The following SLCO5A1 variants were observed in gnomAD, a reference collection of about 807,000 sequenced individuals.
SLCO5A1 encodes the protein organic anion transporter polypeptide-related protein 4.
In SLCO5A1, 39 loss-of-function variants were observed where a neutral mutation model predicts 65.1. The observed-to-expected ratio is 0.60, with a 90% confidence interval of 0.46 to 0.78. SLCO5A1 has a LOEUF of 0.78. Among genes scored for constraint, SLCO5A1 ranks in the 30% least tolerant of loss-of-function variants. The probability of loss-of-function intolerance (pLI) is 0.00; values close to 1 mark genes in which losing one functional copy is unlikely to be tolerated. For synonymous variants in SLCO5A1, 438 were observed against 415.7 expected (o/e 1.05, Z -0.65); for missense variants, 1,029 against 1,069.4 (o/e 0.96, Z 0.53).
At chr8:69,784,811 A>AAAAGAAAAGAAAG (rs1554620803) in intron 2 of SLCO5A1, among the ~76,000 whole-genome samples, 1 of 70,930 alleles carries the variant, frequency 1.4e-5, no homozygotes, top group African/African-American at 7.8e-5. Flanking sequence ...GAAAGAAAGA[A>AAAAGAAAAGAAAG]AAAGAAAGAA....
At chr8:69,693,577 C>A (rs1172860183) in intron 6 of SLCO5A1, among the ~76,000 whole-genome samples, 1 of 152,136 alleles carries the variant, frequency 6.6e-6, no homozygotes, top group African/African-American at 2.4e-5. Context: ...CATCCAGAAC[C>A]AAAGAAACCT....
chr8:69,832,936 C>A lies in SLCO5A1; in HGVS notation c.-263G>T, dbSNP rs3750268. On this transcript the variant is annotated 5_prime_UTR_variant, in exon 2 of 10. Transcript: ENST00000260126. This position sits in a 1 kb window ranked among gnomAD's most constrained non-coding sequence, Gnocchi z 4.5. ...CGGTACTGCGATGAGCCCTACTCGG[C>A]GTCCCTCTCCGGGCGGTAGCTTGAG... is the stretch of plus-strand genomic sequence containing the variant. The A allele has an allele frequency of 0.31, 136,653 of 446,062 alleles. 21,620 individuals carry two copies. Among genetic ancestry groups the A allele is most frequent in the Middle Eastern group, 0.32 (567 of 1,756 alleles). 27.6% of individuals were successfully genotyped at this position (446,062 alleles called of 1,614,324 possible). A position where few individuals can be genotyped will look rare whatever the true frequency, so the allele number is the denominator to read the frequency against.
At position 69,670,705 on chromosome 8, in the gene SLCO5A1, A is replaced by T. The variant is rs944690905; in HGVS notation, c.*2164T>A. ...GACTGTTCATGGCAGCAAAGGGAGT[A>T]AGGGGGCTCTCTAACTACTCCGTGC... On this transcript the variant is annotated 3_prime_UTR_variant, in exon 10 of 10. Coordinates refer to ENST00000260126, the MANE Select transcript of SLCO5A1 (RefSeq NM_030958.3). The T allele has an allele frequency of 6.6e-6, 1 of 152,224 alleles. No individual in the cohort carries two copies. The highest frequency in any genetic ancestry group is 2.4e-5 in the African/African-American group (1 of 41,450). 9.4% of individuals were successfully genotyped at this position (152,224 alleles called of 1,614,324 possible). A position where few individuals can be genotyped will look rare whatever the true frequency, so the allele number is the denominator to read the frequency against.
At chr8:69,707,336 T>C (rs1462934840) in intron 5 of SLCO5A1, among the ~76,000 whole-genome samples, 2 of 152,240 alleles carry the variant, frequency 1.3e-5, no homozygotes, top group East Asian at 3.9e-4. Flanking sequence ...TTGAGGTGAA[T>C]CTCAATAGAT....
At chr8:69,807,076 AC>A (rs1211518544) in intron 2 of SLCO5A1, among the ~76,000 whole-genome samples, 1 of 152,262 alleles carries the variant, frequency 6.6e-6, no homozygotes, top group Non-Finnish European at 1.5e-5. Context: ...GCATCATATT[AC>A]CCAATTTCAA....
intron 2 of SLCO5A1, among the ~76,000 whole-genome samples, chr8:69,774,612 A>G (rs1818484289): frequency 6.6e-6 from 1 of 152,222 alleles, no homozygotes; most frequent in Admixed American, 6.5e-5. Flanking sequence ...AACCCTGCTT[A>G]GAGCTGTGCC....
intron 5 of SLCO5A1, among the ~76,000 whole-genome samples, chr8:69,710,537 C>T (rs1379281816): frequency 6.6e-6 from 1 of 152,118 alleles, no homozygotes; most frequent in Non-Finnish European, 1.5e-5. Flanking sequence ...AAAGTACCCT[C>T]CTCACCAAGA....
intron 2 of SLCO5A1, among the ~76,000 whole-genome samples, chr8:69,817,347 TTATATAGA>T (rs1485451114): frequency 8.5e-5 from 13 of 152,222 alleles, no homozygotes; most frequent in African/African-American, 2.9e-4. Flanking sequence ...CTGAATAATA[TTATATAGA>T]TATATAGATA....
intron 6 of SLCO5A1, among the ~76,000 whole-genome samples, chr8:69,703,629 G>A (rs1369295784): frequency 6.6e-6 from 1 of 152,206 alleles, no homozygotes; most frequent in Non-Finnish European, 1.5e-5. Context: ...GTGGTTAAAG[G>A]CAGTGCTTAT....
chr8:69,819,040 G>C (rs1820523188), intron 2 of SLCO5A1, among the ~76,000 whole-genome samples: 1 of 152,014 alleles, frequency 6.6e-6, no homozygotes, highest in Admixed American at 6.6e-5. Context: ...GTTTACAGAG[G>C]TAAACACATT....
chr8:69,690,053 G>T (rs976237095), intron 6 of SLCO5A1, among the ~76,000 whole-genome samples: 3 of 85,944 alleles, frequency 3.5e-5, no homozygotes, highest in Non-Finnish European at 6.1e-5. Context: ...TTGCGGGTAC[G>T]GGGGGGCGCC....
rs144359898 is a variant in SLCO5A1, at chr8:69,777,056, C to G, written c.908-15181G>C. Among the ~76,000 whole-genome samples, 104 of 152,220 alleles carry G rather than the reference C, an allele frequency of 6.8e-4. 2 individuals are homozygous for G. The South Asian group carries it at 0.013, about 19-fold the overall frequency. ...ATCACTTGATTCAACCATTCCACAC[C>G]CAGGTATGATCACAAAAGAAATAAA... On this transcript the variant is annotated intron_variant, in intron 2 of 9. Coordinates refer to ENST00000260126, the MANE Select transcript of SLCO5A1 (RefSeq NM_030958.3).
intron 5 of SLCO5A1, among the ~76,000 whole-genome samples, chr8:69,716,383 T>C (rs1815539466): frequency 6.6e-6 from 1 of 152,228 alleles, no homozygotes; most frequent in South Asian, 2.1e-4. Context: ...AACTCTGTGT[T>C]TGAGGAAGTA....
chr8:69,809,745 T>C (rs1341661210), intron 2 of SLCO5A1, among the ~76,000 whole-genome samples: 4 of 151,984 alleles, frequency 2.6e-5, no homozygotes, highest in Admixed American at 1.3e-4. Flanking sequence ...TGTGTGTGTG[T>C]GTGTGTGTGT....
intron 9 of SLCO5A1, among the ~76,000 whole-genome samples, chr8:69,676,080 A>T (rs1381790907): frequency 1.3e-5 from 2 of 152,234 alleles, no homozygotes; most frequent in African/African-American, 2.4e-5. Flanking sequence ...TCTCTTGTTG[A>T]TAAGTAAATA....
chr8:69,686,230 G>C (rs1330018221), intron 6 of SLCO5A1, among the ~76,000 whole-genome samples: 2 of 64,196 alleles, frequency 3.1e-5, no homozygotes, highest in Non-Finnish European at 5.7e-5. Context: ...GCTTCACACA[G>C]CAAAAAAAAG....
intron 2 of SLCO5A1, among the ~76,000 whole-genome samples, chr8:69,762,122 CT>C (rs1563707995): frequency 2.0e-4 from 1 of 4,970 alleles, no homozygotes; most frequent in African/African-American, 8.7e-4. Flanking sequence ...GTTTTGTTTT[CT>C]TTCTTTCTTT....
intron 2 of SLCO5A1, chr8:69,794,259 T>C: frequency 4.2e-6 from 2 of 478,116 alleles, no homozygotes; most frequent in South Asian, 1.7e-5. Context: ...TCCACCAGAA[T>C]GGGAAAGTTT....
At chr8:69,700,895 C>A (rs924300737) in intron 6 of SLCO5A1, among the ~76,000 whole-genome samples, 1 of 151,952 alleles carries the variant, frequency 6.6e-6, no homozygotes, top group Non-Finnish European at 1.5e-5. Flanking sequence ...GCCTACACAA[C>A]CTTTTTGTAG....
Sources: allele counts gnomAD v4.1 joint callset (sites outside exome capture counted in the v4.1 genomes callset), GRCh38; gene constraint gnomAD v4.1.1; non-coding constraint Gnocchi (gnomAD v3.1); transcripts MANE v1.5; gene names NCBI Gene and HGNC (gene_info 2026-07-23, HGNC 2026-07-21).